TSHZ2: variants seen among roughly 807,000 people sequenced by gnomAD.
The protein encoded by TSHZ2 is teashirt homolog 2.
A neutral mutation model predicts 74.4 loss-of-function variants in TSHZ2; 21 were observed. The observed-to-expected ratio is 0.28, with a 90% CI of 0.20 to 0.41. TSHZ2 has a LOEUF of 0.41. TSHZ2 is among the 10% of genes least tolerant of loss of function. The pLI, the probability that TSHZ2 is intolerant of heterozygous loss-of-function variation, is 1.00. For missense variants in TSHZ2, 1,244 were observed against 1,293.5 expected (o/e 0.96, Z 0.59); for synonymous variants, 540 against 515.3 (o/e 1.05, Z -0.65).
chr20:53,036,301 A>G (rs1430917478), intron 1 of TSHZ2, among the ~76,000 whole-genome samples: 4 of 152,174 alleles, frequency 2.6e-5, no homozygotes, highest in Non-Finnish European at 5.9e-5. Context: ...GCTTTGTGCA[A>G]GACACTGTGA....
At chr20:53,358,717 T>C (rs1337106549) in intron 2 of TSHZ2, among the ~76,000 whole-genome samples, 1 of 152,150 alleles carries the variant, frequency 6.6e-6, no homozygotes, top group East Asian at 1.9e-4. Flanking sequence ...ATGCATAAAA[T>C]AAAATGGCAA....
chr20:53,122,808 G>T (rs1986848287), intron 1 of TSHZ2, among the ~76,000 whole-genome samples: 1 of 152,194 alleles, frequency 6.6e-6, no homozygotes, highest in African/African-American at 2.4e-5. Context: ...CCCAGCCAAA[G>T]TGGACTCTCT....
intron 1 of TSHZ2, among the ~76,000 whole-genome samples, chr20:53,116,864 G>GGC (rs1220045540): frequency 6.6e-6 from 1 of 152,100 alleles, no homozygotes; most frequent in African/African-American, 2.4e-5. Flanking sequence ...AAGAACCACG[G>GGC]GCTATGTGGC....
At chr20:53,025,933 A>G (rs983299086) in intron 1 of TSHZ2, among the ~76,000 whole-genome samples, 7 of 152,156 alleles carry the variant, frequency 4.6e-5, no homozygotes, top group Non-Finnish European at 8.8e-5. Flanking sequence ...TCACCCAGAC[A>G]GTAGTCCCTG....
intron 2 of TSHZ2, among the ~76,000 whole-genome samples, chr20:53,436,556 T>C (rs1483199291): frequency 7.1e-6 from 1 of 140,058 alleles, no homozygotes; most frequent in Admixed American, 7.1e-5. Flanking sequence ...TTATTTTTTT[T>C]TTTTTTTTAG....
At chr20:53,096,847 A>C (rs1986064215) in intron 1 of TSHZ2, among the ~76,000 whole-genome samples, 1 of 151,940 alleles carries the variant, frequency 6.6e-6, no homozygotes, top group African/African-American at 2.4e-5. Context: ...CTGCCACTGC[A>C]CTCCAGCCTG....
rs540061054 is a variant in TSHZ2, at chr20:53,204,622, C to G, written c.41-48877C>G. ...AGTATCTGATCACTTGCAACAAAAACAGAGACATAATAATAATCACAGACA... is the reference window on the plus strand; with the variant it reads ...AGTATCTGATCACTTGCAACAAAAAGAGAGACATAATAATAATCACAGACA... On this transcript the variant is annotated intron_variant, in intron 1 of 2. Transcript: ENST00000371497. Among the ~76,000 whole-genome samples, 5 of 152,228 alleles carry G rather than the reference C, an allele frequency of 3.3e-5. No homozygotes were observed. In the South Asian group the frequency reaches 1.0e-3, roughly 32 times the overall value.
At chr20:53,125,176 G>A (rs1986913118) in intron 1 of TSHZ2, among the ~76,000 whole-genome samples, 1 of 152,190 alleles carries the variant, frequency 6.6e-6, no homozygotes. Flanking sequence ...TTAAATGAAT[G>A]TTGCATAGAA....
chr20:53,069,702 C>T (rs1166548883), intron 1 of TSHZ2, among the ~76,000 whole-genome samples: 1 of 91,486 alleles, frequency 1.1e-5, no homozygotes. Flanking sequence ...CACACACACA[C>T]ACACACACGC....
At chr20:53,243,730 C>A (rs1359721084) in intron 1 of TSHZ2, among the ~76,000 whole-genome samples, 1 of 152,032 alleles carries the variant, frequency 6.6e-6, no homozygotes, top group Non-Finnish European at 1.5e-5. Context: ...ACAGCAAAGA[C>A]TTTTCACCAG....
intron 2 of TSHZ2, among the ~76,000 whole-genome samples, chr20:53,265,139 CA>C (rs1232454234): frequency 1.3e-5 from 2 of 151,822 alleles, no homozygotes; most frequent in African/African-American, 4.8e-5. Flanking sequence ...CCAGAGCGTT[CA>C]GGGGTGGGGG....
intron 2 of TSHZ2, among the ~76,000 whole-genome samples, chr20:53,358,770 C>T (rs1980945666): frequency 1.3e-5 from 2 of 152,118 alleles, no homozygotes; most frequent in African/African-American, 4.8e-5. Context: ...ACCATTCATC[C>T]GTTAGGGTTT....
chr20:53,395,089 G>A (rs1982401118), intron 2 of TSHZ2, among the ~76,000 whole-genome samples: 1 of 152,164 alleles, frequency 6.6e-6, no homozygotes, highest in African/African-American at 2.4e-5. Context: ...GTAGAATTCA[G>A]TCATGTGAAA....
At chr20:53,186,787 C>T (rs921732265) in intron 1 of TSHZ2, among the ~76,000 whole-genome samples, 8 of 152,088 alleles carry the variant, frequency 5.3e-5, no homozygotes, top group Admixed American at 4.6e-4. Context: ...AGGCAGCAGC[C>T]GTATTAACAA....
chr20:53,427,167 C>T (rs949501881), intron 2 of TSHZ2, among the ~76,000 whole-genome samples: 17 of 151,986 alleles, frequency 1.1e-4, no homozygotes, highest in Non-Finnish European at 1.9e-4. Flanking sequence ...AGTGTGATGG[C>T]GTGTGGTTCT....
intron 2 of TSHZ2, among the ~76,000 whole-genome samples, chr20:53,438,005 T>C (rs764537878): frequency 6.6e-6 from 1 of 152,114 alleles, no homozygotes; most frequent in Non-Finnish European, 1.5e-5. Flanking sequence ...CTTTCTAAAT[T>C]ACCCAGTCTC....
At chr20:53,356,633 G>A (rs1037130571) in intron 2 of TSHZ2, among the ~76,000 whole-genome samples, 4 of 152,166 alleles carry the variant, frequency 2.6e-5, no homozygotes, top group African/African-American at 9.7e-5. Flanking sequence ...GGCCAGGGAG[G>A]AGAGGCAAAC....
chr20:53,411,442 A>G lies in TSHZ2; in HGVS notation c.*9-75702A>G, dbSNP rs1377085602. ...AGAGCAGAGCTTTAGAATCTGACAGACCTGGCCTCAAATCCCAACTCCTAC... is the reference window on the plus strand; with the variant it reads ...AGAGCAGAGCTTTAGAATCTGACAGGCCTGGCCTCAAATCCCAACTCCTAC... On this transcript the variant is annotated intron_variant, in intron 2 of 2. Transcript: ENST00000371497. Among the ~76,000 whole-genome samples, 3 of 152,274 alleles carry G rather than the reference A, an allele frequency of 2.0e-5. 1 individual carries two copies. The highest frequency in any genetic ancestry group is 2.0e-4 in the Admixed American group (3 of 15,302).
At chr20:53,264,609 A>C (rs899306915) in intron 2 of TSHZ2, among the ~76,000 whole-genome samples, 4 of 152,196 alleles carry the variant, frequency 2.6e-5, no homozygotes, top group African/African-American at 9.6e-5. Context: ...AGTTTTACCA[A>C]CTTTAGCCCA....
Sources: allele counts gnomAD v4.1 joint callset (sites outside exome capture counted in the v4.1 genomes callset), GRCh38; gene constraint gnomAD v4.1.1; transcripts MANE v1.5; gene names NCBI Gene and HGNC (gene_info 2026-07-23, HGNC 2026-07-21).